Variants in SNTG1 observed in about 807,000 individuals in gnomAD.
SNTG1 encodes the protein syntrophin gamma 1.
A neutral mutation model predicts 74.7 loss-of-function variants in SNTG1; 39 were observed. The observed-to-expected ratio is 0.52, with a 90% CI of 0.40 to 0.68. SNTG1 has a LOEUF of 0.68. Ranked by LOEUF, SNTG1 falls within the 30% of genes least tolerant of loss-of-function variation. SNTG1 has a pLI of 0.00. For missense variants in SNTG1, 685 were observed against 609.5 expected (o/e 1.12, Z -1.30); for synonymous variants, 254 against 217.1 (o/e 1.17, Z -1.49).
intron 1 of SNTG1, among the ~76,000 whole-genome samples, chr8:49,965,269 A>G (rs780502784): frequency 6.6e-6 from 1 of 152,194 alleles, no homozygotes; most frequent in African/African-American, 2.4e-5. Flanking sequence ...TAACAAATCT[A>G]GTACAGAAGG....
chr8:50,769,892 G>A (rs2095622997), intron 18 of SNTG1, among the ~76,000 whole-genome samples: 1 of 152,026 alleles, frequency 6.6e-6, no homozygotes, highest in South Asian at 2.1e-4. Flanking sequence ...GAACCTAAAA[G>A]ATTTTGAAGC....
chr8:50,720,498 T>C (rs1200181734), intron 17 of SNTG1, among the ~76,000 whole-genome samples: 1 of 152,192 alleles, frequency 6.6e-6, no homozygotes, highest in East Asian at 1.9e-4. Flanking sequence ...TCAAGAAGTC[T>C]ACAGTCTAAT....
At chr8:50,440,137 T>A (rs999818782) in intron 5 of SNTG1, among the ~76,000 whole-genome samples, 10 of 151,696 alleles carry the variant, frequency 6.6e-5, no homozygotes, top group Middle Eastern at 3.4e-3. Context: ...TAAGTATGAA[T>A]TTTCCATTCA....
chr8:50,662,074 G>T (rs891491702), intron 15 of SNTG1, among the ~76,000 whole-genome samples: 2 of 152,138 alleles, frequency 1.3e-5, no homozygotes, highest in African/African-American at 4.8e-5. Flanking sequence ...AAGCCAGTCA[G>T]ATAGGTGGGG....
intron 2 of SNTG1, among the ~76,000 whole-genome samples, chr8:50,347,453 T>A (rs2091514991): frequency 6.6e-6 from 1 of 152,188 alleles, no homozygotes; most frequent in Admixed American, 6.5e-5. Context: ...ACCCAAAAGC[T>A]CTGATGGAAA....
chr8:50,660,976 T>C (rs1370175819), intron 15 of SNTG1, among the ~76,000 whole-genome samples: 2 of 152,178 alleles, frequency 1.3e-5, no homozygotes, highest in South Asian at 2.1e-4. Context: ...ATCCCATCAT[T>C]TGCTTGTATT....
intron 2 of SNTG1, among the ~76,000 whole-genome samples, chr8:50,326,828 C>T (rs945280774): frequency 2.0e-4 from 31 of 152,012 alleles, no homozygotes; most frequent in African/African-American, 7.0e-4. Flanking sequence ...CAGTATATGT[C>T]CTAAATTTCC....
intron 4 of SNTG1, among the ~76,000 whole-genome samples, chr8:50,431,771 C>A (rs2093239016): frequency 1.3e-5 from 2 of 152,138 alleles, no homozygotes; most frequent in Non-Finnish European, 1.5e-5. Flanking sequence ...TGCAATTCCC[C>A]CTGACAAATG....
intron 17 of SNTG1, among the ~76,000 whole-genome samples, chr8:50,733,592 G>A (rs2095518323): frequency 1.3e-5 from 2 of 151,678 alleles, no homozygotes; most frequent in Non-Finnish European, 3.0e-5. Flanking sequence ...ACCAGGATCT[G>A]TTGTTTTTGA....
chr8:50,336,793 T>C (rs914099575), intron 2 of SNTG1, among the ~76,000 whole-genome samples: 3 of 152,026 alleles, frequency 2.0e-5, no homozygotes, highest in Admixed American at 1.3e-4. Flanking sequence ...TAGGCATGAG[T>C]TTTCCAAAAT....
chr8:50,057,124 G>A (rs539513359), intron 1 of SNTG1, among the ~76,000 whole-genome samples: 3 of 152,182 alleles, frequency 2.0e-5, no homozygotes, highest in East Asian at 1.9e-4. Context: ...AATAAATTAC[G>A]TGGACAGCCT....
chr8:50,331,879 G>GA (rs1287601878), intron 2 of SNTG1, among the ~76,000 whole-genome samples: 1 of 152,218 alleles, frequency 6.6e-6, no homozygotes. Flanking sequence ...GAAGACAGCA[G>GA]AAAAAAGTGT....
chr8:50,001,428 T>G (rs1223462213), intron 1 of SNTG1, among the ~76,000 whole-genome samples: 3 of 152,086 alleles, frequency 2.0e-5, no homozygotes, highest in Non-Finnish European at 4.4e-5. Context: ...ACTATATTAG[T>G]GTTTACTGAA....
At chr8:50,211,149 C>T (rs573846257) in intron 2 of SNTG1, among the ~76,000 whole-genome samples, 1 of 151,978 alleles carries the variant, frequency 6.6e-6, no homozygotes, top group South Asian at 2.1e-4. Flanking sequence ...AGGCTGTGCA[C>T]AATGGATTTT....
chr8:50,674,900 T>C (rs546050298), intron 15 of SNTG1, among the ~76,000 whole-genome samples: 1 of 152,162 alleles, frequency 6.6e-6, no homozygotes, highest in Non-Finnish European at 1.5e-5. Context: ...ACTTCTTGAT[T>C]TCTGCTTTAA....
At chr8:50,026,557 C>T (rs540447067) in intron 1 of SNTG1, among the ~76,000 whole-genome samples, 42 of 152,122 alleles carry the variant, frequency 2.8e-4, no homozygotes, top group South Asian at 1.0e-3. Context: ...AAATGTTGCA[C>T]GAGAGACATT....
intron 4 of SNTG1, among the ~76,000 whole-genome samples, chr8:50,406,607 T>C (rs2131373386): frequency 6.6e-6 from 1 of 152,288 alleles, no homozygotes; most frequent in East Asian, 1.9e-4. Flanking sequence ...ATTTTTTTTC[T>C]TATTCCAGAT....
chr8:50,386,328 A>T (rs1202691380), intron 2 of SNTG1, among the ~76,000 whole-genome samples: 1 of 152,116 alleles, frequency 6.6e-6, no homozygotes, highest in Non-Finnish European at 1.5e-5. Context: ...GTGTCATTTC[A>T]GAACCAGTGT....
At chr8:50,635,023 C>T (rs1450502407) in intron 13 of SNTG1, among the ~76,000 whole-genome samples, 2 of 152,106 alleles carry the variant, frequency 1.3e-5, no homozygotes, top group Non-Finnish European at 1.5e-5. Flanking sequence ...GTGGTTCATG[C>T]TCCTCCCAAA....
Sources: gnomAD v4.1 joint callset for allele counts (sites outside exome capture counted in the v4.1 genomes callset) on GRCh38, gnomAD v4.1.1 for gene constraint, MANE v1.5 for transcripts, NCBI Gene and HGNC (gene_info 2026-07-23, HGNC 2026-07-21) for gene names.